The following IGF1R variants were observed in gnomAD, a reference collection of about 807,000 sequenced individuals.
IGF1R encodes insulin like growth factor 1 receptor.
In IGF1R, 44 loss-of-function variants were observed where a neutral mutation model predicts 144.6. That is an observed-to-expected ratio of 0.30 (90% CI 0.24 to 0.39). IGF1R has a LOEUF of 0.39. IGF1R is among the 10% of genes least tolerant of loss of function. The probability of loss-of-function intolerance (pLI) is 1.00; values close to 1 mark genes in which losing one functional copy is unlikely to be tolerated. For synonymous variants in IGF1R, 795 were observed against 722.8 expected, an observed-to-expected ratio of 1.10 and a Z score of -1.60; for missense variants, 1,355 against 1,833.7, an observed-to-expected ratio of 0.74 and a Z score of 4.77.
intron 1 of IGF1R, among the ~76,000 whole-genome samples, chr15:98,675,111 C>A (rs1167044436): frequency 6.6e-6 from 1 of 151,022 alleles, no homozygotes; most frequent in Non-Finnish European, 1.5e-5. Context: ...GCCTCAGCCT[C>A]CCGAGTATTT....
At chr15:98,773,106 A>G (rs1265698597) in intron 2 of IGF1R, among the ~76,000 whole-genome samples, 1 of 152,148 alleles carries the variant, frequency 6.6e-6, no homozygotes, top group Non-Finnish European at 1.5e-5. Flanking sequence ...AGTTGTTTCC[A>G]GCGTGTGAAC....
chr15:98,834,930 G>A (rs979527190), intron 2 of IGF1R, among the ~76,000 whole-genome samples: 7 of 152,130 alleles, frequency 4.6e-5, no homozygotes, highest in African/African-American at 9.7e-5. Context: ...TGGGTCCAGG[G>A]CACGCCCAGA....
chr15:98,812,977 G>GA (rs1397709434), intron 2 of IGF1R, among the ~76,000 whole-genome samples: 1 of 152,234 alleles, frequency 6.6e-6, no homozygotes, highest in East Asian at 1.9e-4. Flanking sequence ...GTCTTCTATC[G>GA]AAAAACAGTG....
chr15:98,789,382 GCAT>G (rs776777719), intron 2 of IGF1R, among the ~76,000 whole-genome samples: 2 of 152,072 alleles, frequency 1.3e-5, no homozygotes, highest in Non-Finnish European at 2.9e-5. Context: ...TTAATTTATA[GCAT>G]CATCATTTTC....
intron 2 of IGF1R, among the ~76,000 whole-genome samples, chr15:98,766,338 C>T (rs994695299): frequency 6.6e-6 from 1 of 152,198 alleles, no homozygotes. Flanking sequence ...TTGCTGAGCG[C>T]CTGTCTCTTC....
intron 1 of IGF1R, among the ~76,000 whole-genome samples, chr15:98,667,967 G>A (rs2052787559): frequency 6.6e-6 from 1 of 152,080 alleles, no homozygotes; most frequent in Non-Finnish European, 1.5e-5. Context: ...GGATGTCTTA[G>A]CTCAGACTGC....
chr15:98,740,340 G>C (rs2141313825), intron 2 of IGF1R, among the ~76,000 whole-genome samples: 1 of 152,272 alleles, frequency 6.6e-6, no homozygotes, highest in East Asian at 1.9e-4. Context: ...CATTCTCTAA[G>C]ATGATAAATG....
At chr15:98,666,707 G>C (rs142169059) in intron 1 of IGF1R, among the ~76,000 whole-genome samples, 8 of 152,278 alleles carry the variant, frequency 5.3e-5, no homozygotes, top group Non-Finnish European at 1.2e-4. Flanking sequence ...GAGACGGAAA[G>C]TAGAATGGTG....
chr15:98,817,333 ATAATAATAG>A (rs1045802930), intron 2 of IGF1R, among the ~76,000 whole-genome samples: 5 of 143,368 alleles, frequency 3.5e-5, no homozygotes, highest in Non-Finnish European at 7.7e-5. Context: ...AATAATAATA[ATAATAATAG>A]TAAGAATACT....
At position 98,664,513 on chromosome 15, in the gene IGF1R, A is replaced by G. The variant is rs1041236729; in HGVS notation, c.94+14838A>G. On this transcript the variant is annotated intron_variant, in intron 1 of 20. Transcript: ENST00000650285. Reference sequence around the variant, plus strand: ...AACCCTGTCTCTACTAAAAATATAAAAATTAGCCAGGCACAGTGGCATGCA... The same window carrying G: ...AACCCTGTCTCTACTAAAAATATAAGAATTAGCCAGGCACAGTGGCATGCA... Among the ~76,000 whole-genome samples the G allele has an allele frequency of 2.1e-4, 32 of 151,954 alleles. 2 individuals carry two copies.
chr15:98,869,940 T>C (rs991952216), intron 2 of IGF1R, among the ~76,000 whole-genome samples: 2 of 152,328 alleles, frequency 1.3e-5, no homozygotes, highest in Middle Eastern at 3.4e-3. Context: ...TAAGGAATGG[T>C]GTCCCGCAAG....
At chr15:98,939,703 A>G (rs1430157214) in intron 18 of IGF1R, among the ~76,000 whole-genome samples, 1 of 152,268 alleles carries the variant, frequency 6.6e-6, no homozygotes, top group Admixed American at 6.5e-5. Context: ...AATAAAACTC[A>G]CTGTCCAACC....
chr15:98,748,334 T>TTTA (rs1242443703), intron 2 of IGF1R, among the ~76,000 whole-genome samples: 2 of 151,898 alleles, frequency 1.3e-5, no homozygotes, highest in Non-Finnish European at 2.9e-5. Context: ...GCCCAGCAAA[T>TTTA]TTATTATTAT....
At chr15:98,696,381 A>G (rs569511023) in intron 1 of IGF1R, among the ~76,000 whole-genome samples, 1 of 152,346 alleles carries the variant, frequency 6.6e-6, no homozygotes, top group African/African-American at 2.4e-5. Flanking sequence ...TGGTCTGTTC[A>G]TTAATCAGCA....
At chr15:98,677,978 A>T (rs1419985855) in intron 1 of IGF1R, among the ~76,000 whole-genome samples, 3 of 152,136 alleles carry the variant, frequency 2.0e-5, no homozygotes, top group Non-Finnish European at 4.4e-5. Context: ...TTTTTTGTCT[A>T]TATTAATGAT....
In IGF1R at chr15:98,908,908, C is replaced by T. The variant is rs1448240412; in HGVS notation, c.1462+9C>T. The T allele has an allele frequency of 6.2e-7, 1 of 1,611,036 alleles. No individual in the cohort carries two copies. The highest frequency in any genetic ancestry group is 8.5e-7 in the Non-Finnish European group (1 of 1,178,128). ...CGGGGAGAGAGCCTCCTGTGAGTGA[C>T]AGCATCCAAAACACCGTGGGCCCAA... On this transcript the variant is annotated intron_variant, in intron 6 of 20. Transcript: ENST00000650285.
At chr15:98,788,256 G>A (rs2056052726) in intron 2 of IGF1R, among the ~76,000 whole-genome samples, 2 of 152,142 alleles carry the variant, frequency 1.3e-5, no homozygotes, top group African/African-American at 2.4e-5. Flanking sequence ...TCACCAGCAC[G>A]AGTGCTGTGG....
chr15:98,897,650 C>G (rs1266579912), intron 4 of IGF1R, among the ~76,000 whole-genome samples: 1 of 152,222 alleles, frequency 6.6e-6, no homozygotes, highest in Admixed American at 6.5e-5. Flanking sequence ...AATCATAGCT[C>G]ACTGTAACCT....
chr15:98,882,086 T>A (rs997678623), intron 2 of IGF1R, among the ~76,000 whole-genome samples: 4 of 152,226 alleles, frequency 2.6e-5, no homozygotes, highest in Admixed American at 2.0e-4. Context: ...GCAAGCAAGC[T>A]GCTTTGGGCA....
Sources: allele counts gnomAD v4.1 joint callset (sites outside exome capture counted in the v4.1 genomes callset), GRCh38; gene constraint gnomAD v4.1.1; transcripts MANE v1.5; gene names NCBI Gene and HGNC (gene_info 2026-07-23, HGNC 2026-07-21).